The following SLMAP variants were observed in gnomAD, a reference collection of about 807,000 sequenced individuals.
SLMAP encodes sarcolemmal membrane-associated protein.
SLMAP carries 44 observed loss-of-function variants against 128.8 expected under a neutral mutation model. The observed-to-expected ratio is 0.34, with a 90% confidence interval of 0.27 to 0.44. SLMAP has a LOEUF of 0.44. SLMAP is among the 20% of genes least tolerant of loss of function. SLMAP has a pLI of 1.00. For synonymous variants in SLMAP, 327 were observed against 348.8 expected (o/e 0.94, Z 0.70); for missense variants, 787 against 985.3 (o/e 0.80, Z 2.69).
At chr3:57,823,628 A>G (rs1323524235) in intron 2 of SLMAP, among the ~76,000 whole-genome samples, 3 of 152,184 alleles carry the variant, frequency 2.0e-5, no homozygotes, top group Non-Finnish European at 4.4e-5. Flanking sequence ...ATTGTTGGAC[A>G]TTTGGGTTGG....
chr3:57,757,732 C>T lies in SLMAP; in HGVS notation c.81C>T (p.Pro27=), dbSNP rs2077848317. 3 of 1,614,154 alleles carry T rather than the reference C, an allele frequency of 1.9e-6. No individual in the cohort carries two copies. Among genetic ancestry groups the T allele is most frequent in the Non-Finnish European group, 2.5e-6 (3 of 1,180,046 alleles). ...AGCGTCATGTCTACCTGGACGAGCC[C>T]ATCAAAATCGGCCGCTCAGTGGCCC... ...FQERHVYLDE[P]IKIGRSVARC... is the part of the protein sequence containing the mutation. Residue 27 remains proline (P), a synonymous_variant, in exon 2 of 25, where the codon CCC becomes CCT. Transcript: ENST00000671191.
At position 57,928,212 on chromosome 3, in the gene SLMAP, T is replaced by G. The variant is rs1383492968; in HGVS notation, c.*923T>G. The stretch of plus-strand genomic sequence containing the variant: ...TTAAACCATGTATTTAAAGAGATAT[T>G]TTTCTTTAAAAGCCAAGTTACTTTC... On this transcript the variant is annotated 3_prime_UTR_variant, in exon 25 of 25. Transcript: ENST00000671191. The G allele has an allele frequency of 6.6e-6, 1 of 152,550 alleles. No individual in the cohort carries two copies. Among genetic ancestry groups the G allele is most frequent in the East Asian group, 1.9e-4 (1 of 5,200 alleles). The allele number at this position is 152,550 out of a possible 1,614,324, so 9.4% of individuals were successfully genotyped here.
At chr3:57,878,792 T>C (rs1233456536) in intron 14 of SLMAP, among the ~76,000 whole-genome samples, 1 of 152,212 alleles carries the variant, frequency 6.6e-6, no homozygotes, top group African/African-American at 2.4e-5. Context: ...AGAACATTAT[T>C]TTGATGTCCC....
At chr3:57,807,817 A>G (rs750493596) in intron 2 of SLMAP, among the ~76,000 whole-genome samples, 32 of 152,210 alleles carry the variant, frequency 2.1e-4, no homozygotes, top group Non-Finnish European at 3.4e-4. Flanking sequence ...CTCCTTTTCA[A>G]TTGTTTGGAA....
At chr3:57,865,685 A>G (rs2095280470) in intron 13 of SLMAP, among the ~76,000 whole-genome samples, 1 of 152,150 alleles carries the variant, frequency 6.6e-6, no homozygotes, top group Non-Finnish European at 1.5e-5. Flanking sequence ...GAGCCCTTGG[A>G]CATATCATAG....
At chr3:57,792,724 T>C (rs1187046392) in intron 2 of SLMAP, among the ~76,000 whole-genome samples, 1 of 152,180 alleles carries the variant, frequency 6.6e-6, no homozygotes, top group South Asian at 2.1e-4. Flanking sequence ...GTAAAAAATA[T>C]GGGAAATGTA....
intron 8 of SLMAP, among the ~76,000 whole-genome samples, chr3:57,859,688 T>C (rs1195321166): frequency 6.6e-6 from 1 of 152,126 alleles, no homozygotes; most frequent in East Asian, 1.9e-4. Context: ...AGTGCTATAA[T>C]GGACATTGGA....
intron 2 of SLMAP, among the ~76,000 whole-genome samples, chr3:57,776,318 G>A (rs539138986): frequency 2.6e-5 from 4 of 152,054 alleles, no homozygotes; most frequent in African/African-American, 7.2e-5. Context: ...TCACATTAGA[G>A]TTTTGTACTA....
rs770784266 is a variant in SLMAP at position 57,871,591 on chromosome 3, G to C, written c.1238-45G>C. The C allele has an allele frequency of 1.8e-5, 27 of 1,500,154 alleles. No homozygotes were observed. In the South Asian group the frequency reaches 3.1e-4, roughly 17 times the overall value. The allele number at this position is 1,500,154 out of a possible 1,614,324, so 92.9% of individuals were successfully genotyped here. A position where few individuals can be genotyped will look rare whatever the true frequency, so the allele number is the denominator to read the frequency against. On this transcript the variant is annotated intron_variant, in intron 13 of 24. Transcript: ENST00000671191. ...CCTACCTTTGCTGTTGGTTTTCAAA[G>C]ACAGCAACAAACTATATCCTTAAAG...
intron 2 of SLMAP, among the ~76,000 whole-genome samples, chr3:57,822,434 C>T (rs749302479): frequency 1.5e-4 from 23 of 152,280 alleles, no homozygotes; most frequent in Non-Finnish European, 2.9e-4. Context: ...TGAATTGATT[C>T]CTCCACCAGA....
At chr3:57,855,099 T>C (rs539092593) in intron 6 of SLMAP, among the ~76,000 whole-genome samples, 143 of 151,998 alleles carry the variant, frequency 9.4e-4, no homozygotes, top group Non-Finnish European at 1.8e-3. Flanking sequence ...GTATAAAAGA[T>C]AGAAAAAGGC....
intron 2 of SLMAP, among the ~76,000 whole-genome samples, chr3:57,806,960 G>A (rs1383992269): frequency 1.3e-5 from 2 of 152,148 alleles, no homozygotes; most frequent in African/African-American, 4.8e-5. Context: ...CACAATGGTT[G>A]AACTAATTTA....
chr3:57,804,062 TTAAGAG>T (rs1391794799), intron 2 of SLMAP, among the ~76,000 whole-genome samples: 4 of 152,226 alleles, frequency 2.6e-5, no homozygotes, highest in Non-Finnish European at 5.9e-5. Context: ...TACAGTCATC[TTAAGAG>T]TAAGTGATTT....
intron 14 of SLMAP, among the ~76,000 whole-genome samples, chr3:57,886,561 TATAAG>T (rs1253697003): frequency 5.5e-5 from 8 of 144,726 alleles, no homozygotes; most frequent in Non-Finnish European, 1.1e-4. Context: ...TCCCAGAAAA[TATAAG>T]AAAAAGGCAA....
At chr3:57,758,921 C>T (rs181687221) in intron 2 of SLMAP, among the ~76,000 whole-genome samples, 1 of 152,194 alleles carries the variant, frequency 6.6e-6, no homozygotes, top group East Asian at 1.9e-4. Context: ...TGACTTTTTG[C>T]CCCTCTTTCT....
At chr3:57,903,728 T>A (rs2096456630) in intron 17 of SLMAP, among the ~76,000 whole-genome samples, 1 of 152,240 alleles carries the variant, frequency 6.6e-6, no homozygotes, top group Non-Finnish European at 1.5e-5. Flanking sequence ...ATACAATTCA[T>A]GTTAAGGAAA....
Position 57,791,756 on chromosome 3 carries a change from ATC to A in SLMAP, c.198+33912_198+33913del, listed in dbSNP as rs2085506260. On this transcript the variant is annotated intron_variant, in intron 2 of 24. Coordinates refer to ENST00000671191, the MANE Select transcript of SLMAP (RefSeq NM_001377540.1). ...ATTATAATTTTAATGAATAGTAGAA[ATC>A]TCTCATATTTGAACCAATTTATATC... is the stretch of plus-strand genomic sequence containing the variant. Among the ~76,000 whole-genome samples, 6 of 152,138 alleles carry A rather than the reference ATC, an allele frequency of 3.9e-5. No individual in the cohort carries two copies. In the South Asian group the frequency reaches 8.3e-4, roughly 21 times the overall value.
At chr3:57,841,205 C>A in intron 3 of SLMAP, 94 bp from the exon 4 acceptor site, 1 of 669,222 alleles carries the variant, frequency 1.5e-6, no homozygotes, top group Non-Finnish European at 2.4e-6. Flanking sequence ...GAAATTGTTA[C>A]TTTTAAGAAT....
chr3:57,763,375 A>G (rs2153431934), intron 2 of SLMAP, among the ~76,000 whole-genome samples: 1 of 151,762 alleles, frequency 6.6e-6, no homozygotes, highest in African/African-American at 2.4e-5. Flanking sequence ...CCTGGGTTCA[A>G]GCAATTCTCT....
Sources: allele counts gnomAD v4.1 joint callset (sites outside exome capture counted in the v4.1 genomes callset), GRCh38; gene constraint gnomAD v4.1.1; transcripts MANE v1.5; gene names NCBI Gene and HGNC (gene_info 2026-07-23, HGNC 2026-07-21).